The following RAF1 variants were observed in gnomAD, a reference collection of about 807,000 sequenced individuals.
RAF1 encodes the protein RAF proto-oncogene serine/threonine-protein kinase.
A neutral mutation model predicts 81.1 loss-of-function variants in RAF1; 27 were observed. The observed-to-expected ratio is 0.33, with a 90% CI of 0.25 to 0.46. The LOEUF (loss-of-function observed/expected upper bound fraction) is 0.46, where lower values mean the gene tolerates loss of function less well. Ranked by LOEUF, RAF1 falls within the 20% of genes least tolerant of loss-of-function variation. RAF1 has a pLI of 1.00. For synonymous variants in RAF1, 298 were observed against 294.0 expected (o/e 1.01, Z -0.14); for missense variants, 598 against 826.0 (o/e 0.72, Z 3.38).
At position 12,610,042 on chromosome 3, in the gene RAF1, T is replaced by C. The variant is rs376028680; in HGVS notation, c.321-707A>G. ...TGTAGTTGTAGGGTCTATAAGTCAA[T>C]GAGAAACTTAACTGTCTTAAAATCT... On this transcript the variant is annotated intron_variant, in intron 3 of 17. Transcript: ENST00000442415. 4.6e-5 allele frequency among the ~76,000 whole-genome samples: 7 copies of C among 152,322 alleles called. No homozygotes were observed. The East Asian group carries it at 7.7e-4, about 17-fold the overall frequency.
intron 1 of RAF1, among the ~76,000 whole-genome samples, chr3:12,657,856 C>CA (rs55918245): frequency 0.21 from 30,064 of 143,532 alleles, 3,308 homozygotes; most frequent in African/African-American, 0.28. Context: ...TTTTATCACC[C>CA]AAAAAAAAAA....
chr3:12,613,553 C>A (rs987896645), intron 2 of RAF1, among the ~76,000 whole-genome samples: 7 of 152,186 alleles, frequency 4.6e-5, no homozygotes, highest in South Asian at 4.2e-4. Flanking sequence ...GGCTCTTACT[C>A]CAGCCACCTC....
intron 1 of RAF1, among the ~76,000 whole-genome samples, chr3:12,626,582 C>T (rs1226224287): frequency 1.6e-5 from 2 of 124,052 alleles, no homozygotes; most frequent in Non-Finnish European, 3.4e-5. Context: ...CAGACCGAGA[C>T]CTTGTCTAAA....
At chr3:12,601,090 T>C (rs1368384745) in intron 8 of RAF1, among the ~76,000 whole-genome samples, 1 of 152,238 alleles carries the variant, frequency 6.6e-6, no homozygotes, top group Non-Finnish European at 1.5e-5. Flanking sequence ...GGAGTTAGGC[T>C]AAATTGACTA....
intron 15 of RAF1, 107 bp from the exon 15 acceptor site, chr3:12,585,360 CTT>C: frequency 1.3e-6 from 2 of 1,566,696 alleles, no homozygotes; most frequent in Non-Finnish European, 8.6e-7. Flanking sequence ...TGAGTCCATT[CTT>C]CAGTCCCCAC....
At chr3:12,663,349 C>A (rs2060943199) in intron 1 of RAF1, among the ~76,000 whole-genome samples, 1 of 152,176 alleles carries the variant, frequency 6.6e-6, no homozygotes. Flanking sequence ...AGGGCACTGG[C>A]CAGTTTCCTC....
chr3:12,600,192 T>C lies in RAF1; in HGVS notation c.1010A>G (p.Glu337Gly). ...CTGGGTCCCAGATACTGGTGCCCGC[T>C]CTCTTTGTGCTGGCACGGGGGTTTT... is the stretch of plus-strand genomic sequence containing the variant. Residue 337 changes from glutamate to glycine, a missense_variant, in exon 10 of 18, where the codon GAG becomes GGG. Coordinates refer to ENST00000442415, the MANE Select transcript of RAF1 (RefSeq NM_001354689.3). 6.2e-7 allele frequency: 1 copy of C among 1,614,180 alleles called. No individual in the cohort carries two copies. The highest frequency in any genetic ancestry group is 8.5e-7 in the Non-Finnish European group (1 of 1,180,022).
At chr3:12,616,499 A>G (rs142501536) in intron 2 of RAF1, among the ~76,000 whole-genome samples, 1 of 152,232 alleles carries the variant, frequency 6.6e-6, no homozygotes, top group Non-Finnish European at 1.5e-5. Context: ...TTTGCCAGCC[A>G]TAAAATTTTC....
At chr3:12,623,053 G>C (rs1384461088) in intron 1 of RAF1, among the ~76,000 whole-genome samples, 1 of 151,902 alleles carries the variant, frequency 6.6e-6, no homozygotes, top group Non-Finnish European at 1.5e-5. Flanking sequence ...CCAGCAAGAT[G>C]AACTGTAATA....
intron 1 of RAF1, among the ~76,000 whole-genome samples, chr3:12,647,842 G>A (rs1031315587): frequency 1.3e-5 from 2 of 151,834 alleles, no homozygotes; most frequent in Non-Finnish European, 2.9e-5. Flanking sequence ...TGACAGCCCA[G>A]AATAAACACA....
intron 1 of RAF1, among the ~76,000 whole-genome samples, chr3:12,632,198 C>T (rs556417976): frequency 6.6e-6 from 1 of 151,838 alleles, no homozygotes; most frequent in African/African-American, 2.4e-5. Context: ...GTGGCGCATG[C>T]CTGTAGTCCC....
At chr3:12,591,385 G>C (rs1434963366) in intron 12 of RAF1, among the ~76,000 whole-genome samples, 5 of 152,138 alleles carry the variant, frequency 3.3e-5, no homozygotes, top group African/African-American at 4.8e-5. Flanking sequence ...TAAAAAAAAG[G>C]GTTCTGGGAA....
At chr3:12,599,942 T>C (rs974174772) in intron 10 of RAF1, 134 bp from the exon 10 acceptor site, 28 of 1,211,392 alleles carry the variant, frequency 2.3e-5, no homozygotes, top group Non-Finnish European at 3.4e-5. Flanking sequence ...ATACTTCCAA[T>C]TTTTGTCTTT....
intron 1 of RAF1, among the ~76,000 whole-genome samples, chr3:12,620,895 GAGTTCAGAGTTCAGTTCAT>G (rs1490922189): frequency 2.0e-4 from 1 of 5,012 alleles, no homozygotes; most frequent in Admixed American, 3.5e-3. Context: ...ATAACATTCA[GAGTTCAGAGTTCAGTTCAT>G]TCAGAGTTCA....
intron 11 of RAF1, among the ~76,000 whole-genome samples, chr3:12,598,167 T>C (rs1390875530): frequency 6.6e-6 from 1 of 150,928 alleles, no homozygotes; most frequent in African/African-American, 2.4e-5. Flanking sequence ...TACAGGCGAG[T>C]GCCATCACAT....
At chr3:12,661,394 G>A (rs528042467) in intron 1 of RAF1, among the ~76,000 whole-genome samples, 70 of 152,130 alleles carry the variant, frequency 4.6e-4, no homozygotes, top group African/African-American at 1.6e-3. Flanking sequence ...GTAAGACTGG[G>A]GAGTACATTA....
At chr3:12,618,199 G>T (rs1436183507) in intron 2 of RAF1, among the ~76,000 whole-genome samples, 1 of 152,112 alleles carries the variant, frequency 6.6e-6, no homozygotes, top group East Asian at 1.9e-4. Flanking sequence ...TCTAAAATAA[G>T]TAGTTGGAAA....
intron 1 of RAF1, among the ~76,000 whole-genome samples, chr3:12,631,082 G>T (rs182594307): frequency 2.0e-5 from 3 of 152,254 alleles, no homozygotes; most frequent in Admixed American, 6.5e-5. Context: ...CACTTTGAGA[G>T]GTCAAGGTGG....
chr3:12,630,344 C>A (rs2059825452), intron 1 of RAF1, among the ~76,000 whole-genome samples: 1 of 152,138 alleles, frequency 6.6e-6, no homozygotes, highest in Non-Finnish European at 1.5e-5. Flanking sequence ...TGAGTGCCTA[C>A]TATGTACCAG....
Sources: allele counts gnomAD v4.1 joint callset (sites outside exome capture counted in the v4.1 genomes callset), GRCh38; gene constraint gnomAD v4.1.1; transcripts MANE v1.5; gene names NCBI Gene and HGNC (gene_info 2026-07-23, HGNC 2026-07-21).